STK39: variants seen among roughly 807,000 people sequenced by gnomAD.
The protein encoded by STK39 is STE20/SPS1-related proline-alanine-rich protein kinase.
In STK39, 20 loss-of-function variants were observed where a neutral mutation model predicts 77.8. That is an observed-to-expected ratio of 0.26 (90% CI 0.18 to 0.37). STK39 has a LOEUF of 0.37. STK39 is among the 10% of genes least tolerant of loss of function. The pLI is 1.00. For missense variants in STK39, 479 were observed against 656.5 expected, an observed-to-expected ratio of 0.73 and a Z score of 2.95; for synonymous variants, 246 against 234.1, an observed-to-expected ratio of 1.05 and a Z score of -0.47.
At position 168,242,559 on chromosome 2, in the gene STK39, AAATATATAT is replaced by A. The variant is rs1278798633; in HGVS notation, c.208+4660_208+4668del. The stretch of plus-strand genomic sequence containing the variant: ...GCAAGACTCTTACAAAAAAAAAAAA[AAATATATAT>A]ATATATATATATATATATATATATA... On this transcript the variant is annotated intron_variant, in intron 1 of 17. Transcript: ENST00000355999. Among the ~76,000 whole-genome samples the A allele has an allele frequency of 3.1e-3, 169 of 54,200 alleles. 16 individuals are homozygous for A. Among genetic ancestry groups the A allele is most frequent in the African/African-American group, 0.014 (160 of 11,436 alleles). The allele number at this position is 54,200 out of a possible 152,430, so 35.6% of individuals were successfully genotyped here.
chr2:168,151,167 C>T (rs934274558), intron 5 of STK39, among the ~76,000 whole-genome samples: 3 of 152,132 alleles, frequency 2.0e-5, no homozygotes, highest in African/African-American at 7.2e-5. Flanking sequence ...TCTTCCCTAT[C>T]TATTAATGAG....
intron 14 of STK39, among the ~76,000 whole-genome samples, chr2:168,042,807 T>C (rs911459602): frequency 2.0e-5 from 3 of 152,122 alleles, no homozygotes; most frequent in Non-Finnish European, 4.4e-5. Context: ...CTTGAACTCC[T>C]GACCTTGTGA....
At chr2:168,011,998 G>A (rs1211975666) in intron 16 of STK39, among the ~76,000 whole-genome samples, 1 of 152,028 alleles carries the variant, frequency 6.6e-6, no homozygotes, top group African/African-American at 2.4e-5. Context: ...TCTGAGTAAG[G>A]GTCTCAGAGG....
At chr2:168,043,601 G>T (rs1685164527) in intron 14 of STK39, among the ~76,000 whole-genome samples, 1 of 152,196 alleles carries the variant, frequency 6.6e-6, no homozygotes, top group Non-Finnish European at 1.5e-5. Flanking sequence ...AATATAATAG[G>T]TTACAACTAA....
chr2:168,037,928 C>G (rs1465252692), intron 14 of STK39, among the ~76,000 whole-genome samples: 1 of 152,038 alleles, frequency 6.6e-6, no homozygotes, highest in South Asian at 2.1e-4. Context: ...GAAACAGAAG[C>G]TGTGCTGTAA....
At chr2:168,149,108 A>C (rs1982363) in intron 5 of STK39, among the ~76,000 whole-genome samples, 36,943 of 152,138 alleles carry the variant, frequency 0.24, 6,294 homozygotes, top group African/African-American at 0.46. Flanking sequence ...CCTTATTGAT[A>C]TAAGCCAATA....
intron 14 of STK39, among the ~76,000 whole-genome samples, chr2:168,023,469 C>T (rs1684621273): frequency 6.6e-6 from 1 of 152,044 alleles, no homozygotes; most frequent in Non-Finnish European, 1.5e-5. Context: ...AAGGCAGGTG[C>T]GATTGAAGTA....
intron 2 of STK39, among the ~76,000 whole-genome samples, chr2:168,176,457 C>T (rs1403064878): frequency 1.3e-5 from 2 of 152,074 alleles, no homozygotes; most frequent in South Asian, 2.1e-4. Flanking sequence ...CATCAAGCCA[C>T]GAAGATATCT....
chr2:168,077,283 A>C (rs1686105557), intron 10 of STK39, among the ~76,000 whole-genome samples: 1 of 152,158 alleles, frequency 6.6e-6, no homozygotes, highest in Admixed American at 6.5e-5. Context: ...TAACATCCTA[A>C]AATTTAGTTT....
intron 10 of STK39, among the ~76,000 whole-genome samples, chr2:168,125,099 GTA>G (rs1227786682): frequency 6.6e-6 from 1 of 152,098 alleles, no homozygotes; most frequent in Non-Finnish European, 1.5e-5. Context: ...TTCTGCACAT[GTA>G]TCCCAGAACT....
chr2:168,135,887 A>C (rs13016136), intron 8 of STK39, among the ~76,000 whole-genome samples: 78,603 of 151,852 alleles, frequency 0.52, 20,577 homozygotes, highest in African/African-American at 0.61. Context: ...AGACCTTAAA[A>C]GATTAATACT....
chr2:168,024,443 G>A (rs1574401521), intron 14 of STK39, among the ~76,000 whole-genome samples: 1 of 152,204 alleles, frequency 6.6e-6, no homozygotes, highest in African/African-American at 2.4e-5. Flanking sequence ...AGGGCCTAAT[G>A]AGAGGTGTTT....
In STK39 at chr2:168,221,158, C is replaced by A. The variant is rs561995305; in HGVS notation, c.208+26070G>T. On this transcript the variant is annotated intron_variant, in intron 1 of 17. Transcript: ENST00000355999. ...GATACCTTTGTTCAAAGGCACAACT[C>A]GATTAAGTTCACATCCTGTGGTCAT... is the stretch of plus-strand genomic sequence containing the variant. Among the ~76,000 whole-genome samples the A allele has an allele frequency of 3.9e-5, 6 of 152,254 alleles. No individual in the cohort carries two copies. The South Asian group carries it at 1.2e-3, about 32-fold the overall frequency.
chr2:168,125,206 C>T (rs1687510070), intron 10 of STK39, among the ~76,000 whole-genome samples: 1 of 151,508 alleles, frequency 6.6e-6, no homozygotes, highest in African/African-American at 2.4e-5. Flanking sequence ...ATAATAAGAA[C>T]TGATTTTGAT....
At chr2:168,190,767 C>T (rs559786794) in intron 1 of STK39, among the ~76,000 whole-genome samples, 1 of 152,280 alleles carries the variant, frequency 6.6e-6, no homozygotes, top group African/African-American at 2.4e-5. Context: ...CTTTTATAGT[C>T]AGTAAACGGT....
intron 12 of STK39, among the ~76,000 whole-genome samples, chr2:168,071,155 T>C (rs1176483275): frequency 6.6e-6 from 1 of 152,222 alleles, no homozygotes; most frequent in African/African-American, 2.4e-5. Context: ...AACATGGTAC[T>C]AACAAAGCTA....
intron 17 of STK39, among the ~76,000 whole-genome samples, chr2:167,956,987 G>A (rs1258974828): frequency 4.0e-5 from 6 of 151,710 alleles, no homozygotes; most frequent in African/African-American, 1.5e-4. Context: ...AGCACTGCTT[G>A]TATACATTTA....
intron 5 of STK39, among the ~76,000 whole-genome samples, chr2:168,142,897 A>G (rs957300571): frequency 6.6e-6 from 1 of 152,240 alleles, no homozygotes; most frequent in Admixed American, 6.5e-5. Flanking sequence ...GAACATTTTG[A>G]GCAAAGTACA....
intron 1 of STK39, among the ~76,000 whole-genome samples, chr2:168,221,337 C>T (rs1488228354): frequency 2.6e-5 from 4 of 152,174 alleles, no homozygotes; most frequent in East Asian, 1.9e-4. Context: ...TATGTTAATA[C>T]ATGCGTGTCA....
Sources: gnomAD v4.1 joint callset for allele counts (sites outside exome capture counted in the v4.1 genomes callset) on GRCh38, gnomAD v4.1.1 for gene constraint, MANE v1.5 for transcripts, NCBI Gene and HGNC (gene_info 2026-07-23, HGNC 2026-07-21) for gene names.